Variants in RGS6 observed in about 807,000 individuals in gnomAD.
The protein encoded by RGS6 is regulator of G-protein signaling 6.
RGS6 carries 30 observed loss-of-function variants against 78.5 expected under a neutral mutation model. The observed-to-expected ratio is 0.38, with a 90% CI of 0.29 to 0.52. The LOEUF (loss-of-function observed/expected upper bound fraction) is 0.52. RGS6 is among the 20% of genes least tolerant of loss of function. The pLI is 0.85. For missense variants in RGS6, 495 were observed against 609.7 expected, an observed-to-expected ratio of 0.81 and a Z score of 1.98; for synonymous variants, 206 against 206.0, an observed-to-expected ratio of 1.00 and a Z score of 0.00.
At chr14:71,934,453 C>G (rs28558201) in intron 1 of RGS6, among the ~76,000 whole-genome samples, 2,457 of 152,196 alleles carry the variant, frequency 0.016, 77 homozygotes, top group African/African-American at 0.057. Context: ...AACTTTACTT[C>G]TGATTTTCTT....
chr14:72,124,908 A>G (rs927409716), intron 2 of RGS6, among the ~76,000 whole-genome samples: 5 of 152,186 alleles, frequency 3.3e-5, no homozygotes, highest in Admixed American at 6.5e-5. Flanking sequence ...AAGTCAGATA[A>G]ACAACATAAG....
chr14:72,383,177 C>CATATATATATATAT (rs35175623), intron 3 of RGS6, among the ~76,000 whole-genome samples: 43 of 71,008 alleles, frequency 6.1e-4, no homozygotes, highest in Admixed American at 6.5e-4. Context: ...AAAAATTGTA[C>CATATATATATATAT]ATATATATAT....
intron 2 of RGS6, among the ~76,000 whole-genome samples, chr14:72,278,105 G>A (rs2060981818): frequency 6.6e-6 from 1 of 152,130 alleles, no homozygotes; most frequent in Non-Finnish European, 1.5e-5. Flanking sequence ...GGGTCTGGAG[G>A]TACAAGTGGG....
At chr14:72,105,186 C>T (rs558089497) in intron 2 of RGS6, among the ~76,000 whole-genome samples, 162 of 152,272 alleles carry the variant, frequency 1.1e-3, no homozygotes, top group African/African-American at 3.7e-3. Flanking sequence ...CTGGACATTC[C>T]AGATGCAACT....
rs1356746193 is a variant in RGS6 at position 72,037,119 on chromosome 14, C to T, written c.84+72244C>T. On this transcript the variant is annotated intron_variant, in intron 2 of 17. Coordinates refer to ENST00000553525, the MANE Select transcript of RGS6 (RefSeq NM_001204424.2). ...TGCACTAATCAGCACTCTGTAAAAA[C>T]GTACCAATCAGTGCTTTATGTCTAG... 6.6e-5 allele frequency among the ~76,000 whole-genome samples: 10 copies of T among 152,188 alleles called. No individual in the cohort carries two copies. In the East Asian group the frequency reaches 7.7e-4, roughly 12 times the overall value.
At chr14:72,024,471 C>T (rs2089426309) in intron 2 of RGS6, among the ~76,000 whole-genome samples, 2 of 152,174 alleles carry the variant, frequency 1.3e-5, no homozygotes, top group Non-Finnish European at 2.9e-5. Flanking sequence ...CCCTGTCCTC[C>T]AGGAGAACAC....
At chr14:72,194,545 A>G (rs1232810778) in intron 2 of RGS6, among the ~76,000 whole-genome samples, 3 of 152,042 alleles carry the variant, frequency 2.0e-5, no homozygotes, top group African/African-American at 7.2e-5. Flanking sequence ...TAGTTTTTGT[A>G]GAGACAGGGT....
intron 17 of RGS6, among the ~76,000 whole-genome samples, chr14:72,546,174 T>G (rs561023831): frequency 6.6e-6 from 1 of 152,336 alleles, no homozygotes; most frequent in Admixed American, 6.5e-5. Flanking sequence ...TTATCCTGTT[T>G]ACAATCAGTG....
chr14:72,459,699 A>G lies in RGS6; in HGVS notation c.394+16A>G, dbSNP rs749018777. 3.1e-6 allele frequency: 5 copies of G among 1,613,730 alleles called. No homozygotes were observed. Among genetic ancestry groups the G allele is most frequent in the Non-Finnish European group, 4.2e-6 (5 of 1,179,730 alleles). On this transcript the variant is annotated intron_variant, in intron 6 of 17. Transcript: ENST00000553525. ...ACTGACTATGGTGAGAACTGAAGCC[A>G]CTGGGAACTCTCAACTTCAACACTG... is the stretch of plus-strand genomic sequence containing the variant.
At position 72,284,850 on chromosome 14, in the gene RGS6, G is replaced by T. The variant is rs115116896; in HGVS notation, c.85-67245G>T. Among the ~76,000 whole-genome samples, 166 of 152,320 alleles carry T rather than the reference G, an allele frequency of 1.1e-3. 1 individual carries two copies. Among genetic ancestry groups the T allele is most frequent in the African/African-American group, 4.0e-3 (165 of 41,586 alleles). Reference sequence around the variant, plus strand: ...TACCCTGCAAAGCCACAAGGGTGGGGCTGCCCATAGGAACCCACCTCTTGC... The same window carrying T: ...TACCCTGCAAAGCCACAAGGGTGGGTCTGCCCATAGGAACCCACCTCTTGC... On this transcript the variant is annotated intron_variant, in intron 2 of 17. Coordinates refer to ENST00000553525, the MANE Select transcript of RGS6 (RefSeq NM_001204424.2).
chr14:72,166,128 AC>A (rs1567358255), intron 2 of RGS6, among the ~76,000 whole-genome samples: 4,016 of 151,070 alleles, frequency 0.027, 88 homozygotes, highest in African/African-American at 0.054. Flanking sequence ...ACACACACAC[AC>A]ACACACACAG....
chr14:72,405,906 T>G (rs867763970), intron 3 of RGS6, among the ~76,000 whole-genome samples: 100 of 152,346 alleles, frequency 6.6e-4, no homozygotes, highest in Middle Eastern at 6.8e-3. Flanking sequence ...CTGTATTGGT[T>G]TCTCAGGGCT....
Position 72,562,770 on chromosome 14 carries a change from G to T in RGS6, c.*303G>T. On this transcript the variant is annotated 3_prime_UTR_variant, in exon 18 of 18. Coordinates refer to ENST00000553525, the MANE Select transcript of RGS6 (RefSeq NM_001204424.2). ...CCCTGATCCCAGCTCATTCAGGGGA[G>T]AACACGTCGTGGGGTTCCTGTCACG... 6.5e-7 allele frequency: 1 copy of T among 1,528,786 alleles called. No homozygotes were observed. The highest frequency in any genetic ancestry group is 8.8e-7 in the Non-Finnish European group (1 of 1,140,140). The allele number at this position is 1,528,786 out of a possible 1,614,324, so 94.7% of individuals were successfully genotyped here. A position where few individuals can be genotyped will look rare whatever the true frequency, so the allele number is the denominator to read the frequency against.
chr14:71,990,249 G>T (rs1047834924), intron 2 of RGS6, among the ~76,000 whole-genome samples: 11 of 152,112 alleles, frequency 7.2e-5, no homozygotes, highest in African/African-American at 2.7e-4. Flanking sequence ...CCACCACAGT[G>T]GGGAGCAAAT....
At chr14:72,356,172 C>A (rs1467513154) in intron 3 of RGS6, among the ~76,000 whole-genome samples, 1 of 152,152 alleles carries the variant, frequency 6.6e-6, no homozygotes, top group Admixed American at 6.5e-5. Context: ...CAAATCGCAT[C>A]TCAAATTATA....
At chr14:72,025,897 C>T (rs1206885350) in intron 2 of RGS6, among the ~76,000 whole-genome samples, 1 of 152,118 alleles carries the variant, frequency 6.6e-6, no homozygotes, top group Non-Finnish European at 1.5e-5. Flanking sequence ...CTATATTATG[C>T]TGTAAGAATA....
At chr14:72,158,696 G>A (rs778266452) in intron 2 of RGS6, among the ~76,000 whole-genome samples, 52 of 152,236 alleles carry the variant, frequency 3.4e-4, no homozygotes, top group Non-Finnish European at 6.8e-4. Context: ...CTCTTTTTAT[G>A]TAAGAGGGGT....
intron 2 of RGS6, among the ~76,000 whole-genome samples, chr14:72,231,553 A>G (rs2049598828): frequency 6.6e-6 from 1 of 152,192 alleles, no homozygotes; most frequent in South Asian, 2.1e-4. Flanking sequence ...TAAGCAGACA[A>G]CTTCAGCAAG....
intron 2 of RGS6, among the ~76,000 whole-genome samples, chr14:72,111,840 T>C (rs2095770813): frequency 1.3e-5 from 2 of 152,220 alleles, no homozygotes; most frequent in South Asian, 2.1e-4. Context: ...AATGATTGTG[T>C]GCTCATTAAG....
Sources: gnomAD v4.1 joint callset for allele counts (sites outside exome capture counted in the v4.1 genomes callset) on GRCh38, gnomAD v4.1.1 for gene constraint, MANE v1.5 for transcripts, NCBI Gene and HGNC (gene_info 2026-07-23, HGNC 2026-07-21) for gene names.